Variants in RNF212B observed in about 807,000 individuals in gnomAD.
RNF212B encodes the protein E3 ubiquitin-protein ligase RNF212B.
Under a neutral mutation model 55.5 loss-of-function variants are expected in RNF212B, and 52 were observed. The ratio of observed to expected loss-of-function variants is 0.94; its 90% CI spans 0.75 to 1.18. The LOEUF (loss-of-function observed/expected upper bound fraction) is 1.18, where lower values mean the gene tolerates loss of function less well. Ranked by LOEUF, RNF212B falls within the 50% of genes most tolerant of loss-of-function variation. The probability of loss-of-function intolerance (pLI) is 0.00; values close to 1 mark genes in which losing one functional copy is unlikely to be tolerated. For synonymous variants in RNF212B, 99 were observed against 121.4 expected (o/e 0.82, Z 1.21); for missense variants, 289 against 350.4 (o/e 0.82, Z 1.40).
chr14:23,226,256 C>T (rs1477596194), intron 2 of RNF212B, among the ~76,000 whole-genome samples: 3 of 140,576 alleles, frequency 2.1e-5, no homozygotes, highest in African/African-American at 5.3e-5. Context: ...CAAGATCGCT[C>T]GCTGCACTCT....
chr14:23,223,201 T>C (rs1237421700), intron 2 of RNF212B, among the ~76,000 whole-genome samples: 2 of 152,152 alleles, frequency 1.3e-5, no homozygotes, highest in Non-Finnish European at 2.9e-5. Flanking sequence ...ATCATTTCAA[T>C]TGATGCTGAA....
At chr14:23,225,847 G>A (rs777323749) in intron 2 of RNF212B, among the ~76,000 whole-genome samples, 70 of 152,188 alleles carry the variant, frequency 4.6e-4, no homozygotes, top group Non-Finnish European at 8.7e-4. Context: ...TAATTGGATT[G>A]TTTGTAACAC....
intron 2 of RNF212B, among the ~76,000 whole-genome samples, chr14:23,198,111 C>G (rs1165803799): frequency 6.6e-6 from 1 of 152,194 alleles, no homozygotes; most frequent in Non-Finnish European, 1.5e-5. Context: ...TGTGTACGTG[C>G]AAGTCACAGG....
At chr14:23,264,564 T>G (rs1885537117) in intron 10 of RNF212B, 59 bp from the exon 11 acceptor site, 1 of 1,148,382 alleles carries the variant, frequency 8.7e-7, no homozygotes, top group Non-Finnish European at 1.2e-6. Flanking sequence ...AAATAGGGAA[T>G]AGGGAAGCCA....
At chr14:23,211,979 C>G (rs1880565533) in intron 2 of RNF212B, among the ~76,000 whole-genome samples, 1 of 152,184 alleles carries the variant, frequency 6.6e-6, no homozygotes, top group Non-Finnish European at 1.5e-5. Context: ...CTGCCCTCCT[C>G]AGCCTCCCAA....
intron 2 of RNF212B, among the ~76,000 whole-genome samples, chr14:23,205,220 AT>A (rs1240046547): frequency 6.6e-6 from 1 of 151,440 alleles, no homozygotes; most frequent in Non-Finnish European, 1.5e-5. Flanking sequence ...TCTGTTTTTT[AT>A]TTCCTGGTTC....
At chr14:23,228,763 G>A (rs952542003) in intron 2 of RNF212B, among the ~76,000 whole-genome samples, 1 of 152,172 alleles carries the variant, frequency 6.6e-6, no homozygotes, top group African/African-American at 2.4e-5. Context: ...TGACAGTATG[G>A]TATTGGCATC....
rs966217415 is a variant in RNF212B, at chr14:23,212,904, TC to T, written c.-2+19504del. ...CTTTTTACAATTTTTTGAAGTAATT[TC>T]TTTTTTGCCAGCCTAATAGTAGATT... On this transcript the variant is annotated intron_variant, in intron 2 of 15. Transcript: ENST00000399910. Among the ~76,000 whole-genome samples the T allele has an allele frequency of 2.6e-3, 388 of 151,686 alleles. 1 individual carries two copies. The highest frequency in any genetic ancestry group is 9.0e-3 in the African/African-American group (369 of 40,966).
At chr14:23,226,368 C>T (rs567595923) in intron 2 of RNF212B, among the ~76,000 whole-genome samples, 142 of 151,556 alleles carry the variant, frequency 9.4e-4, no homozygotes, top group Middle Eastern at 3.5e-3. Context: ...CGGTGGCTCA[C>T]GCCTGTAATC....
chr14:23,212,510 ACTT>A (rs1220956545), intron 2 of RNF212B, among the ~76,000 whole-genome samples: 1 of 152,146 alleles, frequency 6.6e-6, no homozygotes, highest in Non-Finnish European at 1.5e-5. Flanking sequence ...AATCAGTTGT[ACTT>A]CTACACAATA....
chr14:23,194,747 A>C (rs190230682), intron 2 of RNF212B, among the ~76,000 whole-genome samples: 3,261 of 151,112 alleles, frequency 0.022, 49 homozygotes, highest in Middle Eastern at 0.079. Context: ...AAAAAAAAAA[A>C]AAAAAAAAAA....
At chr14:23,202,828 C>T (rs1248592121) in intron 2 of RNF212B, among the ~76,000 whole-genome samples, 2 of 138,492 alleles carry the variant, frequency 1.4e-5, no homozygotes, top group Non-Finnish European at 3.0e-5. Context: ...CTAGCCTGGG[C>T]GACAGAGCGA....
intron 2 of RNF212B, among the ~76,000 whole-genome samples, chr14:23,225,332 T>C (rs997160133): frequency 3.9e-5 from 6 of 152,304 alleles, no homozygotes; most frequent in Admixed American, 2.0e-4. Context: ...AGGAAATCAG[T>C]ATATCAAAGA....
chr14:23,217,931 C>T (rs944416315), intron 2 of RNF212B, among the ~76,000 whole-genome samples: 1 of 152,064 alleles, frequency 6.6e-6, no homozygotes, highest in African/African-American at 2.4e-5. Flanking sequence ...GGATATATGA[C>T]TTTTGAGGCA....
At chr14:23,267,850 A>T (rs887702577) in intron 11 of RNF212B, among the ~76,000 whole-genome samples, 5 of 152,288 alleles carry the variant, frequency 3.3e-5, no homozygotes, top group Admixed American at 1.3e-4. Flanking sequence ...GCATCTTTGA[A>T]TCCAAAGTGA....
chr14:23,229,819 G>C (rs1882402134), intron 2 of RNF212B: 1 of 152,238 alleles, frequency 6.6e-6, no homozygotes, highest in Non-Finnish European at 1.5e-5. Context: ...CTAGCGCACA[G>C]CAAATAAAGA....
upstream of RNF212B, among the ~76,000 whole-genome samples, chr14:23,234,493 A>G (rs943727838): frequency 1.5e-4 from 23 of 152,104 alleles, no homozygotes; most frequent in Admixed American, 1.0e-3. Context: ...TATCCTGGTA[A>G]ACAGTATGAG....
In RNF212B at chr14:23,264,203, A is replaced by T; in HGVS notation, c.554A>T (p.Tyr185Phe). ...SRSSSAESIP[Y>F]REAGFGSLGQ... ...TCCTCCTCAGCGGAATCTATTCCTT[A>T]TAGAGAGGCTGGCTTTGGTAGCTTG... Residue 185 changes from tyrosine to phenylalanine, a missense_variant, in exon 10 of 15, where the codon TAT (tyrosine) becomes TTT (phenylalanine). Physicochemically the swap from Tyr to Phe is conservative, Grantham distance 22. Coordinates refer to ENST00000430154, the MANE Select transcript of RNF212B (RefSeq NM_001282322.3). 3 of 1,550,222 alleles carry T rather than the reference A, an allele frequency of 1.9e-6. No individual in the cohort carries two copies. Among genetic ancestry groups the T allele is most frequent in the African/African-American group, 1.4e-5 (1 of 73,116 alleles).
rs780687973 is a variant in RNF212B, at chr14:23,238,780, A to AATCATCATCATCATC, written c.-2+728_-2+729insATCATCATCATCATC. 3.8e-3 allele frequency among the ~76,000 whole-genome samples: 556 copies of AATCATCATCATCATC among 145,674 alleles called. 1 individual carries two copies. The highest frequency in any genetic ancestry group is 5.9e-3 in the Non-Finnish European group (390 of 66,170). ...TAATAATAATAATAATAATAATAAT[A>AATCATCATCATCATC]ATCCCACAAAGAAACCTTACAAAGT... On this transcript the variant is annotated intron_variant, in intron 1 of 14. Coordinates refer to ENST00000430154, the MANE Select transcript of RNF212B (RefSeq NM_001282322.3).
Sources: allele counts gnomAD v4.1 joint callset (sites outside exome capture counted in the v4.1 genomes callset), GRCh38; gene constraint gnomAD v4.1.1; transcripts MANE v1.5; gene names NCBI Gene and HGNC (gene_info 2026-07-23, HGNC 2026-07-21).